Variants in EIF2D observed in about 807,000 individuals in gnomAD.
EIF2D encodes eukaryotic translation initiation factor 2D, also known as hepatocellular carcinoma-associated antigen 56.
In EIF2D, 56 loss-of-function variants were observed where a neutral mutation model predicts 77.4. The ratio of observed to expected loss-of-function variants is 0.72; its 90% CI spans 0.58 to 0.90. The LOEUF (loss-of-function observed/expected upper bound fraction) is 0.90, where lower values mean the gene tolerates loss of function less well. Ranked by LOEUF, EIF2D falls within the 40% of genes least tolerant of loss-of-function variation. The probability of loss-of-function intolerance (pLI) is 0.00; values close to 1 mark genes in which losing one functional copy is unlikely to be tolerated. For missense variants in EIF2D, 574 were observed against 706.5 expected, an observed-to-expected ratio of 0.81 and a Z score of 2.13; for synonymous variants, 230 against 271.0, an observed-to-expected ratio of 0.85 and a Z score of 1.49.
chr1:206,603,435 TCCTC>T (rs1439158704), intron 5 of EIF2D: 1 of 507,628 alleles, frequency 2.0e-6, no homozygotes. Context: ...AAATCTTGTC[TCCTC>T]CCTATCCCAA....
In EIF2D at chr1:206,599,068, A is replaced by G. The variant is rs148221556; in HGVS notation, c.1227T>C (p.Ser409=). 75 of 1,614,086 alleles carry G rather than the reference A, an allele frequency of 4.6e-5. No individual in the cohort carries two copies. The African/African-American group carries it at 9.3e-4, about 20-fold the overall frequency. Residue 409 remains serine (S), a synonymous_variant, in exon 11 of 15, where the codon AGT becomes AGC. Coordinates refer to ENST00000271764, the MANE Select transcript of EIF2D (RefSeq NM_006893.3). This position sits in a 1 kb window ranked among gnomAD's most constrained non-coding sequence, Gnocchi z 4.1. The part of the protein sequence containing the change: ...GHKKGSFLEG[S]EVRTIVINYA... ...AGTTAATGACGATCGTTCGGACCTCACTGCCCTCCAGAAAGCTCCCCTTCC... is the reference window on the plus strand; with the variant it reads ...AGTTAATGACGATCGTTCGGACCTCGCTGCCCTCCAGAAAGCTCCCCTTCC...
chr1:206,570,506 T>C (rs1470705416), downstream of EIF2D, among the ~76,000 whole-genome samples: 2 of 152,034 alleles, frequency 1.3e-5, no homozygotes, highest in Admixed American at 6.6e-5. Flanking sequence ...CAACTGAAAC[T>C]CCTTACCAAT....
At position 206,599,487 on chromosome 1, in the gene EIF2D, A is replaced by T; in HGVS notation, c.1178T>A (p.Leu393Gln). The T allele has an allele frequency of 6.2e-7, 1 of 1,613,946 alleles. No individual in the cohort carries two copies. ...CTTGTGGCCAGACTCCTGGAAGAGC[A>T]GGGTCATGCTGGCTGGGACACAGTA... is the stretch of plus-strand genomic sequence containing the variant. ...PLYCVPASMT[L>Q]LFQESGHKKG... Residue 393 changes from leucine (L) to glutamine (Q), a missense_variant, in exon 10 of 15, where the codon CTG (leucine) becomes CAG (glutamine). Leu to Gln is a moderately radical substitution (Grantham distance 113). Coordinates refer to ENST00000271764, the MANE Select transcript of EIF2D (RefSeq NM_006893.3). The surrounding 1 kb of genome is among the most constrained non-coding windows in gnomAD (Gnocchi z 4.1).
intron 4 of EIF2D, among the ~76,000 whole-genome samples, chr1:206,577,443 A>C (rs1428329154): frequency 1.3e-5 from 2 of 152,112 alleles, no homozygotes; most frequent in African/African-American, 2.4e-5. Flanking sequence ...CCATTATCTC[A>C]TTTGATTTTT....
At chr1:206,593,466 G>GGAGAGAGAGAGA (rs781913118) in intron 14 of EIF2D, among the ~76,000 whole-genome samples, 153 bp downstream of exon 14, 1 of 100,658 alleles carries the variant, frequency 9.9e-6, no homozygotes, top group African/African-American at 5.2e-5. Flanking sequence ...AAAACTAAAT[G>GGAGAGAGAGAGA]GAGAGAGAGA....
At chr1:206,593,121 A>C (rs923625255) in intron 14 of EIF2D, among the ~76,000 whole-genome samples, 46 of 151,738 alleles carry the variant, frequency 3.0e-4, no homozygotes, top group Admixed American at 5.9e-4. Flanking sequence ...AAAAAAAAAA[A>C]AACTTAGACT....
intron 2 of EIF2D, chr1:206,586,515 GGTGGTTCC>G (rs1669116500): frequency 3.8e-6 from 1 of 260,680 alleles, no homozygotes; most frequent in Non-Finnish European, 7.4e-6. Context: ...TGGGAGGCTG[GGTGGTTCC>G]AGCATCACTG....
At chr1:206,608,409 A>C in intron 3 of EIF2D, 83 bp from the exon 4 acceptor site, 3 of 1,172,034 alleles carry the variant, frequency 2.6e-6, no homozygotes, top group Non-Finnish European at 3.6e-6. Context: ...TCACTCGCTC[A>C]ACAAAAAAAT....
chr1:206,605,406 T>A lies in EIF2D; in HGVS notation c.524A>T (p.His175Leu). 6.2e-6 allele frequency: 10 copies of A among 1,613,728 alleles called. No individual in the cohort carries two copies. The highest frequency in any genetic ancestry group is 8.5e-6 in the Non-Finnish European group (10 of 1,179,720). ...GFSVLHTYQD[H>L]LWRSGNKSSP... ...GAAGAAACTCTGTACCCACCACAAG[T>A]GGTCCTGGTAAGTGTGGAGCACAGA... The change falls in exon 5 of 15, where the codon CAC (histidine) becomes CTC (leucine). Residue 175 changes from histidine to leucine, a missense_variant. His to Leu is a moderately conservative substitution (Grantham distance 99). Transcript: ENST00000271764.
rs1668804161 is a variant in EIF2D at position 206,579,953 on chromosome 1, T to C, written c.*254+739A>G. ...CAGCAGCCATCCCAGACCTGGGTGC[T>C]GGCATTCCATGGCTGTGACATTCGT... On this transcript the variant is annotated intron_variant and NMD_transcript_variant, in intron 4 of 5. Coordinates refer to the EIF2D transcript ENST00000472709. This position sits in a 1 kb window ranked among gnomAD's most constrained non-coding sequence, Gnocchi z 4.2. Among the ~76,000 whole-genome samples the C allele has an allele frequency of 6.6e-6, 1 of 152,340 alleles. No individual in the cohort carries two copies. The highest frequency in any genetic ancestry group is 2.1e-4 in the South Asian group (1 of 4,834).
At chr1:206,591,548 C>T (rs1311671207), downstream of EIF2D, 1 of 570,574 alleles carries the variant, frequency 1.8e-6, no homozygotes, top group African/African-American at 1.9e-5. Flanking sequence ...GACAGAATGG[C>T]AGCCACCGTG....
At chr1:206,608,429 G>A in intron 3 of EIF2D, 103 bp from the exon 4 acceptor site, 3 of 852,550 alleles carry the variant, frequency 3.5e-6, no homozygotes, top group Non-Finnish European at 5.3e-6. Flanking sequence ...TAGTTACTAG[G>A]TATCAACTAT....
chr1:206,584,632 G>A lies in EIF2D; in HGVS notation c.139-3470C>T. 6.2e-7 allele frequency: 1 copy of A among 1,614,224 alleles called. No homozygotes were observed. The highest frequency in any genetic ancestry group is 2.2e-5 in the East Asian group (1 of 44,882). ...GGCTGCTCAAGAAGTTCATGGTTGT[G>A]GACAATCCCCAGAAGTTTGCACTTT... On this transcript the variant is annotated intron_variant and NMD_transcript_variant, in intron 2 of 5. Coordinates refer to the EIF2D transcript ENST00000472709. This position sits in a 1 kb window ranked among gnomAD's most constrained non-coding sequence, Gnocchi z 4.9.
chr1:206,603,381 A>C, intron 5 of EIF2D, 177 bp from the exon 6 acceptor site: 1 of 740,552 alleles, frequency 1.4e-6, no homozygotes, highest in Non-Finnish European at 2.1e-6. Context: ...TGGGCCCCTA[A>C]AAGTTCCATG....
chr1:206,602,081 A>G, intron 7 of EIF2D: 1 of 429,236 alleles, frequency 2.3e-6, no homozygotes, highest in Non-Finnish European at 4.2e-6. Flanking sequence ...ACAGAATCTC[A>G]GGAATTTTAA....
At chr1:206,589,851 C>T (rs1296135814), downstream of EIF2D, among the ~76,000 whole-genome samples, 1 of 152,076 alleles carries the variant, frequency 6.6e-6, no homozygotes, top group Non-Finnish European at 1.5e-5. Context: ...ACATAGAATG[C>T]AATACATGGG....
Position 206,599,929 on chromosome 1 carries a change from G to A in EIF2D, c.949-93C>T. The A allele has an allele frequency of 8.0e-7, 1 of 1,249,266 alleles. No individual in the cohort carries two copies. The highest frequency in any genetic ancestry group is 1.1e-6 in the Non-Finnish European group (1 of 876,722). 77.4% of individuals were successfully genotyped at this position (1,249,266 alleles called of 1,614,324 possible). A position where few individuals can be genotyped will look rare whatever the true frequency, so the allele number is the denominator to read the frequency against. ...TGCCAGAGTGAGCTAGGCAGGGACT[G>A]TGCAGGGATATGAGACAGCCCCTGC... On this transcript the variant is annotated intron_variant, in intron 8 of 14. Coordinates refer to ENST00000271764, the MANE Select transcript of EIF2D (RefSeq NM_006893.3). This position sits in a 1 kb window ranked among gnomAD's most constrained non-coding sequence, Gnocchi z 4.1.
intron 5 of EIF2D, 135 bp from the exon 6 acceptor site, chr1:206,603,339 C>A: frequency 8.2e-7 from 1 of 1,217,506 alleles, no homozygotes; most frequent in East Asian, 2.4e-5. Context: ...GGCAGAGAGC[C>A]TGTGCCCTCA....
chr1:206,599,429 G>C lies in EIF2D; in HGVS notation c.1202+34C>G. On this transcript the variant is annotated intron_variant, in intron 10 of 14. Coordinates refer to ENST00000271764, the MANE Select transcript of EIF2D (RefSeq NM_006893.3). This position sits in a 1 kb window ranked among gnomAD's most constrained non-coding sequence, Gnocchi z 4.1. ...GAGGAACTGTAGGCCAGAACACCAAGCAGGCAGAGAAGGGCTGCTCTCCAA... is the reference window on the plus strand; with the variant it reads ...GAGGAACTGTAGGCCAGAACACCAACCAGGCAGAGAAGGGCTGCTCTCCAA... The C allele has an allele frequency of 3.1e-6, 5 of 1,609,796 alleles. No homozygotes were observed. Among genetic ancestry groups the C allele is most frequent in the Non-Finnish European group, 4.2e-6 (5 of 1,178,470 alleles).
Sources: gnomAD v4.1 joint callset for allele counts (sites outside exome capture counted in the v4.1 genomes callset) on GRCh38, gnomAD v4.1.1 for gene constraint, Gnocchi (gnomAD v3.1) non-coding constraint, MANE v1.5 for transcripts, NCBI Gene and HGNC (gene_info 2026-07-23, HGNC 2026-07-21) for gene names.